DIO2: variants seen among roughly 807,000 people sequenced by gnomAD.
DIO2 encodes iodothyronine deiodinase 2, also known as type II iodothyronine deiodinase.
DIO2 carries 19 observed loss-of-function variants against 21.4 expected under a neutral mutation model. The observed-to-expected ratio is 0.89, with a 90% CI of 0.62 to 1.30. The LOEUF is 1.30. Ranked by LOEUF, DIO2 falls within the 50% of genes most tolerant of loss-of-function variation. The probability of loss-of-function intolerance (pLI) is 0.00; values close to 1 mark genes in which losing one functional copy is unlikely to be tolerated. For missense variants in DIO2, 302 were observed against 338.1 expected (o/e 0.89, Z 0.84); for synonymous variants, 122 against 132.9 (o/e 0.92, Z 0.57).
chr14:80,205,462 T>A, intron 1 of DIO2: 1 of 445,958 alleles, frequency 2.2e-6, no homozygotes, highest in Non-Finnish European at 3.5e-6. Flanking sequence ...TTGAAACCCA[T>A]GAACAATTAT....
At chr14:80,209,578 T>G (rs1048159559) in intron 1 of DIO2, among the ~76,000 whole-genome samples, 2 of 152,208 alleles carry the variant, frequency 1.3e-5, no homozygotes, top group Non-Finnish European at 2.9e-5. Context: ...AACTTCCCAT[T>G]CAATGTATAC....
chr14:80,201,930 T>C lies in DIO2; in HGVS notation c.*759A>G, dbSNP rs1359900303. The C allele has an allele frequency of 6.0e-6, 1 of 165,788 alleles. No homozygotes were observed. Among genetic ancestry groups the C allele is most frequent in the East Asian group, 1.8e-4 (1 of 5,538 alleles). 10.3% of individuals were successfully genotyped at this position (165,788 alleles called of 1,614,324 possible). A position where few individuals can be genotyped will look rare whatever the true frequency, so the allele number is the denominator to read the frequency against. On this transcript the variant is annotated 3_prime_UTR_variant, in exon 2 of 2. Coordinates refer to ENST00000438257, the MANE Select transcript of DIO2 (RefSeq NM_013989.5). The stretch of plus-strand genomic sequence containing the variant: ...TGGCTAACAAATGTGACCCACTCTC[T>C]ACAGCTTAAGGGTGAAACTCTGTGA...
chr14:80,230,306 C>G (rs1344584793), intron 2 of DIO2, among the ~76,000 whole-genome samples: 1 of 152,150 alleles, frequency 6.6e-6, no homozygotes, highest in Non-Finnish European at 1.5e-5. Context: ...CAGTAGACAC[C>G]TGGTGAGGCT....
intron 1 of DIO2, chr14:80,205,507 T>C: frequency 1.1e-6 from 1 of 893,774 alleles, no homozygotes; most frequent in East Asian, 9.5e-5. Context: ...ACCCCCTGAT[T>C]CATCCGAGCA....
intron 1 of DIO2, among the ~76,000 whole-genome samples, chr14:80,207,024 T>C (rs1887981347): frequency 6.6e-6 from 1 of 152,134 alleles, no homozygotes; most frequent in Non-Finnish European, 1.5e-5. Context: ...AGAAAGGACA[T>C]ACGTAAAATG....
Position 80,203,219 on chromosome 14 carries a change from T to G in DIO2, c.292A>C (p.Ser98Arg), listed in dbSNP as rs770472829. 1 of 1,609,546 alleles carries G rather than the reference T, an allele frequency of 6.2e-7. No homozygotes were observed. Among genetic ancestry groups the G allele is most frequent in the Non-Finnish European group, 8.5e-7 (1 of 1,178,072 alleles). Reference protein sequence around the residue: ...HVSSTEGGDNSGNGTQEKIAE... With the variant: ...HVSSTEGGDNRGNGTQEKIAE... The stretch of plus-strand genomic sequence containing the variant: ...ATCTTCTCCTGGGTACCATTGCCAC[T>G]GTTGTCACCTCCTTCTGTACTGGAG... Residue 98 changes from serine to arginine, a missense_variant, in exon 2 of 2, where the codon AGT (serine) becomes CGT (arginine). Transcript: ENST00000438257.
rs77699897 is a variant in DIO2, at chr14:80,205,363, C to T, written c.223-2075G>A. ...AGACCTAAATGCATTCAGATTAGTC[C>T]GTTGTAGGGACTTCCTGTTAAGTAA... On this transcript the variant is annotated intron_variant, in intron 1 of 1. Coordinates refer to ENST00000438257, the MANE Select transcript of DIO2 (RefSeq NM_013989.5). Among the ~76,000 whole-genome samples, 8 of 152,174 alleles carry T rather than the reference C, an allele frequency of 5.3e-5. No individual in the cohort carries two copies. In the East Asian group the frequency reaches 1.4e-3, roughly 26 times the overall value.
chr14:80,218,131 T>A (rs1259113552), intron 2 of DIO2, among the ~76,000 whole-genome samples: 1 of 152,174 alleles, frequency 6.6e-6, no homozygotes, highest in Non-Finnish European at 1.5e-5. Context: ...TGACAAGTTT[T>A]TTCAGACCTG....
intron 2 of DIO2, among the ~76,000 whole-genome samples, chr14:80,225,570 C>T (rs1392903060): frequency 3.3e-5 from 5 of 152,214 alleles, no homozygotes; most frequent in Non-Finnish European, 7.3e-5. Context: ...CTCGTTTCTG[C>T]AGCTGTTCAC....
intron 2 of DIO2, among the ~76,000 whole-genome samples, chr14:80,228,291 A>G (rs1201133408): frequency 6.6e-6 from 1 of 152,216 alleles, no homozygotes; most frequent in Admixed American, 6.5e-5. Context: ...AGGAATGGAG[A>G]AAAAGGCATT....
In DIO2 at chr14:80,206,782, T is replaced by A. The variant is rs1245753893; in HGVS notation, c.223-3494A>T. ...ATCTTAATTTCTCCTTCTTAGAGGG[T>A]TTGTGTTTGGTTTTTGTCCTTAATG... On this transcript the variant is annotated intron_variant, in intron 1 of 1. Transcript: ENST00000438257. Among the ~76,000 whole-genome samples the A allele has an allele frequency of 3.3e-5, 5 of 152,164 alleles. No individual in the cohort carries two copies. In the East Asian group the frequency reaches 9.6e-4, roughly 29 times the overall value.
chr14:80,218,304 TACTTA>T (rs1476691467), intron 2 of DIO2, among the ~76,000 whole-genome samples: 5 of 152,118 alleles, frequency 3.3e-5, no homozygotes, highest in Non-Finnish European at 5.9e-5. Flanking sequence ...CAACCCTTTC[TACTTA>T]ACTTGATGGA....
At chr14:80,225,336 C>A (rs1391812574) in intron 2 of DIO2, among the ~76,000 whole-genome samples, 2 of 152,142 alleles carry the variant, frequency 1.3e-5, no homozygotes, top group Non-Finnish European at 2.9e-5. Flanking sequence ...CATAATTACA[C>A]CTAACATAAT....
rs1327966271 is a variant in DIO2 at position 80,201,267 on chromosome 14, T to C, written c.*1422A>G. 2.0e-5 allele frequency: 3 copies of C among 152,130 alleles called. No homozygotes were observed. Among genetic ancestry groups the C allele is most frequent in the Non-Finnish European group, 2.9e-5 (2 of 68,014 alleles). 9.4% of individuals were successfully genotyped at this position (152,130 alleles called of 1,614,324 possible). On this transcript the variant is annotated 3_prime_UTR_variant, in exon 2 of 2. Coordinates refer to ENST00000438257, the MANE Select transcript of DIO2 (RefSeq NM_013989.5). ...ATCCAAGTCCAAATTCAAATGTCAA[T>C]GGAAATTCCATGATATACCGGGGGT... is the stretch of plus-strand genomic sequence containing the variant.
chr14:80,224,496 TAC>T lies in DIO2; in HGVS notation c.-277-7761_-277-7760del, dbSNP rs59545805. Among the ~76,000 whole-genome samples, 1,013 of 138,478 alleles carry T rather than the reference TAC, an allele frequency of 7.3e-3. 5 individuals are homozygous for T. Among genetic ancestry groups the T allele is most frequent in the African/African-American group, 0.023 (891 of 37,960 alleles). 90.8% of individuals were successfully genotyped at this position (138,478 alleles called of 152,430 possible). On this transcript the variant is annotated intron_variant, in intron 2 of 4. Coordinates refer to the DIO2 transcript ENST00000553594. ...TTATAAAATGGAGGTAGAGAGATAC[TAC>T]ACACACACACACACACACACACACA... is the stretch of plus-strand genomic sequence containing the variant.
chr14:80,204,144 G>T (rs879425616), intron 1 of DIO2, among the ~76,000 whole-genome samples: 4 of 151,760 alleles, frequency 2.6e-5, no homozygotes, highest in Non-Finnish European at 5.9e-5. Context: ...CCTCCCTGGA[G>T]GCTTCTACTG....
At chr14:80,227,449 T>C (rs1348108033) in intron 2 of DIO2, among the ~76,000 whole-genome samples, 1 of 152,184 alleles carries the variant, frequency 6.6e-6, no homozygotes, top group Non-Finnish European at 1.5e-5. Flanking sequence ...AGCATCCAGT[T>C]CATGATAGGC....
rs995528865 is a variant in DIO2, at chr14:80,200,661, A to C, written c.*2028T>G. The C allele has an allele frequency of 6.6e-6, 1 of 152,214 alleles. No individual in the cohort carries two copies. Among genetic ancestry groups the C allele is most frequent in the African/African-American group, 2.4e-5 (1 of 41,464 alleles). 9.4% of individuals were successfully genotyped at this position (152,214 alleles called of 1,614,324 possible). The stretch of plus-strand genomic sequence containing the variant: ...ATAATTATTCTCAATATGATTTTCC[A>C]GCAACTCATTAGATAATGAAATTTG... On this transcript the variant is annotated 3_prime_UTR_variant, in exon 2 of 2. Transcript: ENST00000438257.
At chr14:80,222,667 TG>T (rs1888487940) in intron 2 of DIO2, among the ~76,000 whole-genome samples, 1 of 152,226 alleles carries the variant, frequency 6.6e-6, no homozygotes, top group South Asian at 2.1e-4. Flanking sequence ...GGATACTGTT[TG>T]TTTATCTTGT....
Sources: allele counts gnomAD v4.1 joint callset (sites outside exome capture counted in the v4.1 genomes callset), GRCh38; gene constraint gnomAD v4.1.1; transcripts MANE v1.5; gene names NCBI Gene and HGNC (gene_info 2026-07-23, HGNC 2026-07-21).